The following MOB3A variants were observed in gnomAD, a reference collection of about 807,000 sequenced individuals.
The protein encoded by MOB3A is MOB LAK.
MOB3A carries 17 observed loss-of-function variants against 17.8 expected under a neutral mutation model. The ratio of observed to expected loss-of-function variants is 0.95; its 90% confidence interval spans 0.65 to 1.43. MOB3A has a LOEUF of 1.43. Among genes scored for constraint, MOB3A ranks in the 40% most tolerant of loss-of-function variants. The pLI is 0.00. For synonymous variants in MOB3A, 124 were observed against 133.2 expected (o/e 0.93, Z 0.48); for missense variants, 333 against 310.8 (o/e 1.07, Z -0.54).
rs1293098443 is a variant in MOB3A at position 2,078,406 on chromosome 19, G to A, written c.155C>T (p.Pro52Leu). The change falls in exon 3 of 5, where the codon CCC (proline) becomes CTC (leucine). Residue 52 changes from proline to leucine, a missense_variant. Transcript: ENST00000357066. ...CCAGTCGTTCAGGTCCTCGCCCGGGGGCAACTGCACGGCCAGCCGCAGGTC... is the reference window on the plus strand; with the variant it reads ...CCAGTCGTTCAGGTCCTCGCCCGGGAGCAACTGCACGGCCAGCCGCAGGTC... ...GLDLRLAVQL[P>L]PGEDLNDWVA... 10 of 1,613,990 alleles carry A rather than the reference G, an allele frequency of 6.2e-6. No individual in the cohort carries two copies. Among genetic ancestry groups the A allele is most frequent in the Admixed American group, 1.7e-5 (1 of 59,992 alleles).
At chr19:2,085,839 C>T (rs1471039171) in intron 1 of MOB3A, among the ~76,000 whole-genome samples, 1 of 151,050 alleles carries the variant, frequency 6.6e-6, no homozygotes, top group Non-Finnish European at 1.5e-5. Context: ...TGGTGGGCAC[C>T]TGTAGTCCCA....
rs2017358318 is a variant in MOB3A, at chr19:2,073,012, C to T, written c.*383G>A. 2 of 270,496 alleles carry T rather than the reference C, an allele frequency of 7.4e-6. No individual in the cohort carries two copies. Among genetic ancestry groups the T allele is most frequent in the Non-Finnish European group, 1.4e-5 (2 of 142,028 alleles). 16.8% of individuals were successfully genotyped at this position (270,496 alleles called of 1,614,324 possible). A position where few individuals can be genotyped will look rare whatever the true frequency, so the allele number is the denominator to read the frequency against. ...AGGCAGGGCTGTGGCCACAGCAGCC[C>T]TGGGGGCTCCCCAGCGAGGTGGAGG... On this transcript the variant is annotated 3_prime_UTR_variant, in exon 5 of 5. Coordinates refer to ENST00000357066, the MANE Select transcript of MOB3A (RefSeq NM_130807.3).
In MOB3A at chr19:2,073,199, T is replaced by A; in HGVS notation, c.*196A>T. The A allele has an allele frequency of 9.1e-6, 6 of 662,836 alleles. No homozygotes were observed. Among genetic ancestry groups the A allele is most frequent in the Non-Finnish European group, 1.6e-5 (6 of 373,474 alleles). The allele number at this position is 662,836 out of a possible 1,614,324, so 41.1% of individuals were successfully genotyped here. On this transcript the variant is annotated 3_prime_UTR_variant, in exon 5 of 5. Coordinates refer to ENST00000357066, the MANE Select transcript of MOB3A (RefSeq NM_130807.3). The stretch of plus-strand genomic sequence containing the variant: ...CACGTTTTAGTCCCAGACGGGAGAC[T>A]GAGGCTCGAGACTGAGGAAGGCATC...
intron 2 of MOB3A, among the ~76,000 whole-genome samples, chr19:2,083,808 C>T (rs1313538225): frequency 6.6e-6 from 1 of 152,242 alleles, no homozygotes; most frequent in African/African-American, 2.4e-5. Flanking sequence ...ACCGTGCCAC[C>T]TGGTTGGGCA....
At chr19:2,084,121 C>G (rs1367094083) in intron 2 of MOB3A, 1 of 500,804 alleles carries the variant, frequency 2.0e-6, no homozygotes, top group African/African-American at 1.9e-5. Flanking sequence ...CAGACTCACA[C>G]CAAGACAGTT....
At chr19:2,079,472 C>T (rs186816526) in intron 2 of MOB3A, among the ~76,000 whole-genome samples, 2 of 152,188 alleles carry the variant, frequency 1.3e-5, no homozygotes, top group African/African-American at 4.8e-5. Flanking sequence ...GAGGCAGATA[C>T]GGGGGAGACG....
At chr19:2,086,294 C>G (rs998158439) in intron 1 of MOB3A, among the ~76,000 whole-genome samples, 1 of 151,808 alleles carries the variant, frequency 6.6e-6, no homozygotes, top group South Asian at 2.1e-4. Context: ...CCCACCTCGG[C>G]CTCCCAAAGT....
chr19:2,079,173 G>A (rs189703267), intron 2 of MOB3A, among the ~76,000 whole-genome samples: 1 of 152,382 alleles, frequency 6.6e-6, no homozygotes, highest in East Asian at 1.9e-4. Context: ...CACAGCAGAA[G>A]GTGCGCAGAG....
rs757233836 is a variant in MOB3A, at chr19:2,076,945, C to T, written c.490G>A (p.Val164Met). Residue 164 changes from valine (V) to methionine (M), a missense_variant, in exon 4 of 5, where the codon GTG becomes ATG. By Grantham distance (21) the Val-to-Met change is conservative. Transcript: ENST00000357066. ...TCAAAGTGGTGGATGTAGACGTGCA[C>T]GAACACGCGGAACAGCCGCGACAGG... ...KILSRLFRVF[V>M]HVYIHHFDRI... 3 of 1,613,940 alleles carry T rather than the reference C, an allele frequency of 1.9e-6. No homozygotes were observed. Among genetic ancestry groups the T allele is most frequent in the African/African-American group, 1.3e-5 (1 of 75,042 alleles).
rs779754513 is a variant in MOB3A at position 2,076,823 on chromosome 19, C to T, written c.612G>A (p.Glu204=). 6.2e-7 allele frequency: 1 copy of T among 1,613,832 alleles called. No individual in the cohort carries two copies. Among genetic ancestry groups the T allele is most frequent in the East Asian group, 2.2e-5 (1 of 44,878 alleles). ...VKEFGLIDTK[E]LEPLKEMTAR... is the part of the protein sequence containing the mutation. ...CAAGCCCGCGCACCAGTGGCTCCAG[C>T]TCCTTGGTGTCGATGAGGCCGAACT... The change falls in exon 4 of 5, where the codon GAG becomes GAA. Residue 204 remains glutamate, a synonymous_variant. Transcript: ENST00000357066.
chr19:2,084,300 C>T (rs1403572834), intron 2 of MOB3A: 2 of 378,406 alleles, frequency 5.3e-6, no homozygotes, highest in Non-Finnish European at 1.1e-5. Context: ...CGAGACCAGC[C>T]TGGCCAACAT....
Position 2,073,368 on chromosome 19 carries a change from T to C in MOB3A, c.*27A>G. ...AAGTCTCCGAGGCCCCAGCGGCGGT[T>C]CGGGCACCGGGAGACCCGCGGGGCT... On this transcript the variant is annotated 3_prime_UTR_variant, in exon 5 of 5. Coordinates refer to ENST00000357066, the MANE Select transcript of MOB3A (RefSeq NM_130807.3). 1 of 1,612,898 alleles carries C rather than the reference T, an allele frequency of 6.2e-7. No homozygotes were observed.
At chr19:2,075,032 C>CTT (rs903527212) in intron 4 of MOB3A, among the ~76,000 whole-genome samples, 3 of 133,234 alleles carry the variant, frequency 2.3e-5, no homozygotes, top group Admixed American at 7.5e-5. Context: ...CTTTTCTTTT[C>CTT]TTTTTTTTTT....
Position 2,082,442 on chromosome 19 carries a change from G to A in MOB3A, c.-120+2733C>T, listed in dbSNP as rs972296106. 8.5e-5 allele frequency among the ~76,000 whole-genome samples: 13 copies of A among 152,226 alleles called. No individual in the cohort carries two copies. Among genetic ancestry groups the A allele is most frequent in the African/African-American group, 1.4e-4 (6 of 41,464 alleles). ...AGATTAGATCGCCCTGGGTGAGATC[G>A]TGGCTCAGATGATTATGACTGATTC... On this transcript the variant is annotated intron_variant, in intron 2 of 4. Transcript: ENST00000357066. This position sits in a 1 kb window ranked among gnomAD's most constrained non-coding sequence, Gnocchi z 4.1.
At chr19:2,080,164 C>T (rs150722492) in intron 2 of MOB3A, among the ~76,000 whole-genome samples, 58 of 152,276 alleles carry the variant, frequency 3.8e-4, no homozygotes, top group Admixed American at 1.7e-3. Flanking sequence ...ACCTTCTGGA[C>T]GGGCAGAGAC....
chr19:2,092,876 G>T (rs562105242), intron 1 of MOB3A, among the ~76,000 whole-genome samples: 1 of 151,682 alleles, frequency 6.6e-6, no homozygotes, highest in South Asian at 2.1e-4. Flanking sequence ...CCAGGCACAC[G>T]CTGGACCACA....
intron 1 of MOB3A, among the ~76,000 whole-genome samples, chr19:2,091,541 G>A (rs550624902): frequency 2.0e-5 from 3 of 151,682 alleles, no homozygotes; most frequent in East Asian, 2.0e-4. Context: ...CCGCCACTAC[G>A]CCCAGCTAAT....
intron 1 of MOB3A, among the ~76,000 whole-genome samples, chr19:2,089,922 G>C (rs1287269169): frequency 6.6e-6 from 1 of 151,592 alleles, no homozygotes; most frequent in African/African-American, 2.4e-5. Context: ...CTCTAGTTGT[G>C]ACAAACACAA....
At chr19:2,092,257 C>T (rs1471460538) in intron 1 of MOB3A, among the ~76,000 whole-genome samples, 2 of 151,594 alleles carry the variant, frequency 1.3e-5, no homozygotes, top group East Asian at 2.0e-4. Flanking sequence ...CACGCCACCA[C>T]GCCCAGCTAA....
Sources: allele counts gnomAD v4.1 joint callset (sites outside exome capture counted in the v4.1 genomes callset), GRCh38; gene constraint gnomAD v4.1.1; non-coding constraint Gnocchi (gnomAD v3.1); transcripts MANE v1.5; gene names NCBI Gene and HGNC (gene_info 2026-07-23, HGNC 2026-07-21).